Variants in RASGRF2 observed in about 807,000 individuals in gnomAD.
RASGRF2 encodes the protein Ras protein specific guanine nucleotide releasing factor 2.
In RASGRF2, 76 loss-of-function variants were observed where a neutral mutation model predicts 151.0. That is an observed-to-expected ratio of 0.50 (90% CI 0.42 to 0.61). RASGRF2 has a LOEUF of 0.61. Ranked by LOEUF, RASGRF2 falls within the 20% of genes least tolerant of loss-of-function variation. The probability of loss-of-function intolerance (pLI) is 0.00; values close to 1 mark genes in which losing one functional copy is unlikely to be tolerated. For synonymous variants in RASGRF2, 504 were observed against 566.5 expected (o/e 0.89, Z 1.57); for missense variants, 1,148 against 1,564.6 (o/e 0.73, Z 4.49).
At chr5:81,008,215 A>G (rs774147846) in intron 1 of RASGRF2, among the ~76,000 whole-genome samples, 22 of 134,642 alleles carry the variant, frequency 1.6e-4, no homozygotes, top group Admixed American at 3.6e-4. Flanking sequence ...CAGTGGCACA[A>G]TCTCGGCTCA....
intron 25 of RASGRF2, among the ~76,000 whole-genome samples, chr5:81,218,692 G>T (rs1561265636): frequency 6.6e-6 from 1 of 152,124 alleles, no homozygotes; most frequent in East Asian, 1.9e-4. Context: ...CTCCTTTTTG[G>T]TTCCATATGA....
Position 81,068,162 on chromosome 5 carries a change from G to A in RASGRF2, c.526G>A (p.Glu176Lys), listed in dbSNP as rs943759264. The A allele has an allele frequency of 3.7e-6, 6 of 1,611,752 alleles. No homozygotes were observed. In the East Asian group the frequency reaches 6.7e-5, roughly 18 times the overall value. Residue 176 changes from glutamate to lysine, a missense_variant, in exon 3 of 27, where the codon GAA (glutamate) becomes AAA (lysine). Physicochemically the swap from Glu to Lys is moderately conservative, Grantham distance 56. This residue lies in a region of RASGRF2 where 221 missense variants were observed against 271.3 expected (regional missense o/e 0.81). Coordinates refer to ENST00000265080, the MANE Select transcript of RASGRF2 (RefSeq NM_006909.3). ...ACTTGAAGATCAAGACACAGAAATC[G>A]AAAGGCTTAAATCAGAGGTATTTCC... Reference protein sequence around the residue: ...HQLEDQDTEIERLKSEIIALN... With the variant: ...HQLEDQDTEIKRLKSEIIALN...
At chr5:81,045,522 C>T (rs1750808253) in intron 2 of RASGRF2, among the ~76,000 whole-genome samples, 2 of 152,134 alleles carry the variant, frequency 1.3e-5, no homozygotes, top group Admixed American at 1.3e-4. Context: ...AGGAGACAGA[C>T]TTTAGAAACC....
chr5:80,968,556 C>G (rs1231576294), intron 1 of RASGRF2, among the ~76,000 whole-genome samples: 1 of 152,082 alleles, frequency 6.6e-6, no homozygotes, highest in Non-Finnish European at 1.5e-5. Flanking sequence ...AAAGGTAGCC[C>G]TCTTTTTTGT....
Position 81,092,824 on chromosome 5 carries a change from G to T in RASGRF2, c.1414G>T (p.Val472Phe), listed in dbSNP as rs747180986. ...RQGSLIQVPS[V>F]ERGKLSKVRL... ...AGGTTCTCTTATTCAAGTACCTTCC[G>T]TTGAGAGGGGGAAACTTAGTAAAGT... The change falls in exon 10 of 27, where the codon GTT (valine) becomes TTT (phenylalanine). Residue 472 changes from valine (V) to phenylalanine (F), a missense_variant. Transcript: ENST00000265080. The T allele has an allele frequency of 6.2e-7, 1 of 1,613,424 alleles. No individual in the cohort carries two copies. The highest frequency in any genetic ancestry group is 1.3e-5 in the African/African-American group (1 of 75,004).
chr5:81,197,998 A>G (rs1755305315), intron 18 of RASGRF2, among the ~76,000 whole-genome samples: 1 of 152,152 alleles, frequency 6.6e-6, no homozygotes, highest in Admixed American at 6.5e-5. Context: ...TTGAGAGAAA[A>G]ATTGCCAGAA....
chr5:81,192,254 G>A (rs1011094216), intron 18 of RASGRF2, among the ~76,000 whole-genome samples: 7 of 152,152 alleles, frequency 4.6e-5, no homozygotes, highest in African/African-American at 1.7e-4. Flanking sequence ...TCTACATTCT[G>A]TTCCTCTTTG....
intron 1 of RASGRF2, among the ~76,000 whole-genome samples, chr5:80,993,622 C>A (rs1431631045): frequency 6.6e-6 from 1 of 152,152 alleles, no homozygotes; most frequent in African/African-American, 2.4e-5. Flanking sequence ...GCTTTGGGAA[C>A]CAATAAGGCC....
intron 1 of RASGRF2, among the ~76,000 whole-genome samples, chr5:80,988,063 T>G (rs1235370852): frequency 6.6e-6 from 1 of 150,552 alleles, no homozygotes; most frequent in East Asian, 2.0e-4. Context: ...AGTCTTCTTC[T>G]TCTTTAAGAC....
intron 17 of RASGRF2, among the ~76,000 whole-genome samples, chr5:81,176,337 C>T (rs1754773946): frequency 6.6e-6 from 1 of 152,124 alleles, no homozygotes; most frequent in African/African-American, 2.4e-5. Context: ...AGTCCTTGTA[C>T]CATTTTCTGG....
At chr5:81,171,734 T>C (rs1054115145) in intron 17 of RASGRF2, among the ~76,000 whole-genome samples, 2 of 152,222 alleles carry the variant, frequency 1.3e-5, no homozygotes, top group South Asian at 4.1e-4. Context: ...CATGTTATTG[T>C]CTCCCACAAA....
At chr5:81,145,454 G>A (rs181199813) in intron 17 of RASGRF2, among the ~76,000 whole-genome samples, 325 of 152,280 alleles carry the variant, frequency 2.1e-3, no homozygotes, top group Middle Eastern at 6.8e-3. Flanking sequence ...TCAAGAAATG[G>A]TGCTAAATTT....
intron 17 of RASGRF2, among the ~76,000 whole-genome samples, chr5:81,159,835 T>C (rs1374096667): frequency 5.3e-5 from 8 of 152,202 alleles, no homozygotes; most frequent in Non-Finnish European, 1.2e-4. Context: ...AAAGACCTGT[T>C]TTATTAGTGA....
chr5:81,200,298 A>G (rs1359510525), intron 18 of RASGRF2, among the ~76,000 whole-genome samples: 1 of 151,986 alleles, frequency 6.6e-6, no homozygotes, highest in Admixed American at 6.6e-5. Flanking sequence ...AAGAAGAAGA[A>G]TAGTTTTATT....
At chr5:81,024,086 A>G (rs571942718) in intron 1 of RASGRF2, among the ~76,000 whole-genome samples, 2 of 152,174 alleles carry the variant, frequency 1.3e-5, no homozygotes, top group East Asian at 3.9e-4. Flanking sequence ...TATGGGGCTC[A>G]TGACTGTCTG....
chr5:81,150,018 T>C (rs1754098454), intron 17 of RASGRF2, among the ~76,000 whole-genome samples: 1 of 152,178 alleles, frequency 6.6e-6, no homozygotes, highest in South Asian at 2.1e-4. Context: ...TCTGTTCTTA[T>C]TACTTTAAGG....
chr5:81,037,519 G>T (rs1005952343), intron 1 of RASGRF2, among the ~76,000 whole-genome samples: 1 of 152,104 alleles, frequency 6.6e-6, no homozygotes, highest in Non-Finnish European at 1.5e-5. Flanking sequence ...TCATGATGAT[G>T]TCCCTTTGTG....
At chr5:81,114,479 T>G (rs1469034654) in intron 15 of RASGRF2, among the ~76,000 whole-genome samples, 1 of 152,232 alleles carries the variant, frequency 6.6e-6, no homozygotes, top group Non-Finnish European at 1.5e-5. Context: ...CAGTGTTAAT[T>G]GCTTGTGACG....
intron 18 of RASGRF2, among the ~76,000 whole-genome samples, chr5:81,197,434 G>A (rs1248144919): frequency 1.7e-5 from 2 of 118,484 alleles, no homozygotes; most frequent in African/African-American, 3.3e-5. Flanking sequence ...CCGCAATCCG[G>A]CCTGGGCGAC....
Sources: allele counts gnomAD v4.1 joint callset (sites outside exome capture counted in the v4.1 genomes callset), GRCh38; gene constraint gnomAD v4.1.1; regional missense constraint gnomAD v4.1.1; transcripts MANE v1.5; gene names NCBI Gene and HGNC (gene_info 2026-07-23, HGNC 2026-07-21).